PSMA6: variants seen among roughly 807,000 people sequenced by gnomAD.
The protein encoded by PSMA6 is proteasome subunit alpha type-6.
For synonymous variants in PSMA6, 88 were observed against 97.7 expected (o/e 0.90, Z 0.59); for missense variants, 170 against 294.8 (o/e 0.58, Z 3.10).
chr14:35,291,374 C>T (rs566755855), upstream of PSMA6, among the ~76,000 whole-genome samples: 5 of 152,256 alleles, frequency 3.3e-5, no homozygotes, highest in East Asian at 5.8e-4. Context: ...CCCGCCACCA[C>T]GCCTGGCTAA....
chr14:35,300,419 C>G (rs1320135551), intron 1 of PSMA6, among the ~76,000 whole-genome samples: 1 of 152,124 alleles, frequency 6.6e-6, no homozygotes, highest in Non-Finnish European at 1.5e-5. Context: ...TTGCAGTGAG[C>G]TACGATCACA....
At chr14:35,306,222 C>G (rs1250128075) in intron 1 of PSMA6, among the ~76,000 whole-genome samples, 1 of 151,450 alleles carries the variant, frequency 6.6e-6, no homozygotes, top group African/African-American at 2.4e-5. Flanking sequence ...GAGCAAGACC[C>G]TATCTCAAAA....
chr14:35,305,344 C>T (rs2051803347), intron 1 of PSMA6, among the ~76,000 whole-genome samples: 1 of 152,108 alleles, frequency 6.6e-6, no homozygotes, highest in Non-Finnish European at 1.5e-5. Flanking sequence ...CCATGTTGCC[C>T]AGGCTGGCCT....
intron 1 of PSMA6, among the ~76,000 whole-genome samples, chr14:35,295,336 T>TAA (rs57795237): frequency 7.3e-6 from 1 of 137,510 alleles, no homozygotes. Flanking sequence ...AGACTCCATC[T>TAA]AAAAAAAAAA....
At chr14:35,308,204 C>T (rs1022504053) in intron 2 of PSMA6, 116 bp downstream of exon 2, 8 of 1,369,836 alleles carry the variant, frequency 5.8e-6, no homozygotes, top group Middle Eastern at 2.5e-4. Flanking sequence ...GGCAGATCAC[C>T]TTAGATCGGG....
chr14:35,282,020 CTG>C (rs1430435116), intron 1 of PSMA6, among the ~76,000 whole-genome samples: 1 of 152,192 alleles, frequency 6.6e-6, no homozygotes, highest in Non-Finnish European at 1.5e-5. Flanking sequence ...CTGGACAAAA[CTG>C]TGCTTTCCCA....
chr14:35,302,938 A>G, intron 1 of PSMA6, among the ~76,000 whole-genome samples: 1 of 152,130 alleles, frequency 6.6e-6, no homozygotes, highest in South Asian at 2.1e-4. Context: ...GAGCATAGTT[A>G]TAATGGTTGT....
chr14:35,291,237 A>T (rs1213450212), upstream of PSMA6, among the ~76,000 whole-genome samples: 5 of 85,250 alleles, frequency 5.9e-5, no homozygotes, highest in Admixed American at 1.2e-4. Flanking sequence ...TTTTTTTTTG[A>T]GACGGAGTCT....
At chr14:35,295,898 G>A (rs1292135407) in intron 1 of PSMA6, among the ~76,000 whole-genome samples, 3 of 152,156 alleles carry the variant, frequency 2.0e-5, no homozygotes, top group East Asian at 3.8e-4. Context: ...AGGGGGAATG[G>A]GACTGAGGCC....
At chr14:35,289,426 C>T (rs990375451), upstream of PSMA6, among the ~76,000 whole-genome samples, 3 of 151,988 alleles carry the variant, frequency 2.0e-5, no homozygotes, top group Non-Finnish European at 2.9e-5. Context: ...ACCTCCCAGG[C>T]TCAAGCGATT....
chr14:35,315,082 T>C (rs1430446611), intron 6 of PSMA6: 2 of 151,942 alleles, frequency 1.3e-5, no homozygotes, highest in Non-Finnish European at 2.9e-5. Context: ...CATTTAATCC[T>C]CCCAGCAGCC....
chr14:35,280,929 C>G (rs1371325907), intron 1 of PSMA6, among the ~76,000 whole-genome samples: 1 of 152,160 alleles, frequency 6.6e-6, no homozygotes, highest in East Asian at 1.9e-4. Context: ...GATGGCCAAC[C>G]TTTTTGATTA....
At chr14:35,304,644 T>C (rs1274166636) in intron 1 of PSMA6, among the ~76,000 whole-genome samples, 2 of 149,408 alleles carry the variant, frequency 1.3e-5, no homozygotes, top group African/African-American at 2.5e-5. Context: ...GCAGAATTGC[T>C]CCAACCCAGG....
At chr14:35,300,098 T>C (rs188034111) in intron 1 of PSMA6, among the ~76,000 whole-genome samples, 1 of 152,240 alleles carries the variant, frequency 6.6e-6, no homozygotes, top group African/African-American at 2.4e-5. Flanking sequence ...CTTTTTTCCA[T>C]GTGTTTTGAA....
At position 35,310,902 on chromosome 14, in the gene PSMA6, A is replaced by G; in HGVS notation, c.409+7A>G. The G allele has an allele frequency of 6.2e-7, 1 of 1,612,762 alleles. No individual in the cohort carries two copies. Among genetic ancestry groups the G allele is most frequent in the Non-Finnish European group, 8.5e-7 (1 of 1,179,220 alleles). ...ATGAGGCCTCTTGGTTGTTGTAAGT[A>G]TGCTAAGAGGTCTCCCAAATAATTG... is the stretch of plus-strand genomic sequence containing the variant. On this transcript the variant is annotated splice_region_variant and intron_variant, in intron 4 of 6. Coordinates refer to ENST00000261479, the MANE Select transcript of PSMA6 (RefSeq NM_002791.3).
intron 1 of PSMA6, among the ~76,000 whole-genome samples, chr14:35,281,789 G>T (rs559542098): frequency 2.0e-5 from 3 of 152,124 alleles, no homozygotes; most frequent in African/African-American, 7.2e-5. Context: ...ATAAAATAGA[G>T]ACAGGATCAG....
At chr14:35,284,618 T>G (rs1594372854) in intron 1 of PSMA6, among the ~76,000 whole-genome samples, 1 of 152,182 alleles carries the variant, frequency 6.6e-6, no homozygotes, top group East Asian at 1.9e-4. Context: ...GAGAATTTGT[T>G]TGAAAATATC....
At chr14:35,289,915 C>CAAAAAAAA (rs750610944), upstream of PSMA6, among the ~76,000 whole-genome samples, 1 of 79,652 alleles carries the variant, frequency 1.3e-5, no homozygotes, top group Non-Finnish European at 2.4e-5. Flanking sequence ...TACCGCATTT[C>CAAAAAAAA]AAAAAAAAAA....
upstream of PSMA6, chr14:35,292,367 C>A (rs2277460): frequency 0.11 from 174,279 of 1,527,866 alleles, 10,562 homozygotes; most frequent in Middle Eastern, 0.16. Flanking sequence ...GCGGAAGAAA[C>A]GCGGCTGGTA....
Sources: allele counts gnomAD v4.1 joint callset (sites outside exome capture counted in the v4.1 genomes callset), GRCh38; gene constraint gnomAD v4.1.1; transcripts MANE v1.5; gene names NCBI Gene and HGNC (gene_info 2026-07-23, HGNC 2026-07-21).